Variants in TUT4 observed in about 807,000 individuals in gnomAD.
The protein encoded by TUT4 is terminal uridylyl transferase 4.
In TUT4, 36 loss-of-function variants were observed where a neutral mutation model predicts 192.2. The observed-to-expected ratio is 0.19, with a 90% CI of 0.14 to 0.25. The LOEUF (loss-of-function observed/expected upper bound fraction) is 0.25, where lower values mean the gene tolerates loss of function less well. Ranked by LOEUF, TUT4 falls within the 10% of genes least tolerant of loss-of-function variation. The pLI is 1.00. For synonymous variants in TUT4, 618 were observed against 666.0 expected (o/e 0.93, Z 1.11); for missense variants, 1,493 against 1,957.2 (o/e 0.76, Z 4.47).
intron 4 of TUT4, among the ~76,000 whole-genome samples, chr1:52,506,277 TTTTC>T (rs1675539087): frequency 6.6e-6 from 1 of 152,152 alleles, no homozygotes; most frequent in African/African-American, 2.4e-5. Context: ...TGGCCTAAAG[TTTTC>T]TTTCTTTTTT....
At position 52,436,960 on chromosome 1, in the gene TUT4, T is replaced by C; in HGVS notation, c.3957A>G (p.Leu1319=). 3.1e-6 allele frequency: 5 copies of C among 1,613,958 alleles called. No homozygotes were observed. Among genetic ancestry groups the C allele is most frequent in the Non-Finnish European group, 4.2e-6 (5 of 1,179,970 alleles). Residue 1319 remains leucine, a synonymous_variant, in exon 26 of 30, where the codon CTA becomes CTG. Transcript: ENST00000257177. Reference sequence around the variant, plus strand: ...TCTCTTCTTCACTGTCTTTCTTCTTTAGTCTAAACAGTAAACTGCTGATAC... The same window carrying C: ...TCTCTTCTTCACTGTCTTTCTTCTTCAGTCTAAACAGTAAACTGCTGATAC... ...PKRKSSLLFR[L]KKKDSEEEKE... is the part of the protein sequence containing the mutation.
Position 52,465,051 on chromosome 1 carries a change from G to T in TUT4, c.3069+19C>A. 1 of 1,560,750 alleles carries T rather than the reference G, an allele frequency of 6.4e-7. No homozygotes were observed. The stretch of plus-strand genomic sequence containing the variant: ...TTGGGAGAAAATAAACTTACATAAC[G>T]CTTTCCAAACACTCTTACCTCTGCA... On this transcript the variant is annotated intron_variant, in intron 16 of 29. Transcript: ENST00000257177.
At chr1:52,451,737 A>G (rs1339034142) in intron 20 of TUT4, among the ~76,000 whole-genome samples, 1 of 151,580 alleles carries the variant, frequency 6.6e-6, no homozygotes, top group Non-Finnish European at 1.5e-5. Flanking sequence ...CAGGTACTCC[A>G]GAGGCTGAGG....
intron 20 of TUT4, among the ~76,000 whole-genome samples, chr1:52,448,143 G>T (rs80225309): frequency 0.01 from 1,599 of 152,294 alleles, 21 homozygotes; most frequent in African/African-American, 0.036. Context: ...TTTGTTGAAT[G>T]ACTATATTTA....
chr1:52,431,526 T>C (rs772318052), intron 27 of TUT4, 66 bp from the exon 28 acceptor site: 1 of 1,211,438 alleles, frequency 8.3e-7, no homozygotes, highest in African/African-American at 1.5e-5. Context: ...AAAGTAGAGA[T>C]AAAATACAAA....
chr1:52,466,674 A>AT, intron 15 of TUT4, among the ~76,000 whole-genome samples: 3 of 139,482 alleles, frequency 2.2e-5, no homozygotes, highest in African/African-American at 8.7e-5. Flanking sequence ...ATATATATAT[A>AT]TATATATATT....
At chr1:52,487,338 G>A (rs1670043834) in intron 9 of TUT4, among the ~76,000 whole-genome samples, 1 of 151,842 alleles carries the variant, frequency 6.6e-6, no homozygotes, top group African/African-American at 2.4e-5. Flanking sequence ...GTGGTCCCAG[G>A]TACTCTGGAA....
At chr1:52,531,101 G>GA (rs1255235700) in intron 1 of TUT4, among the ~76,000 whole-genome samples, 4 of 151,816 alleles carry the variant, frequency 2.6e-5, no homozygotes, top group Admixed American at 2.6e-4. Context: ...TCAAATCATG[G>GA]AAAAAAATAT....
At chr1:52,505,895 G>A (rs1388586885) in intron 4 of TUT4, among the ~76,000 whole-genome samples, 1 of 152,032 alleles carries the variant, frequency 6.6e-6, no homozygotes, top group Admixed American at 6.5e-5. Flanking sequence ...GGAGTGCAGT[G>A]GCACGATCTG....
intron 1 of TUT4, among the ~76,000 whole-genome samples, chr1:52,547,850 G>A (rs1406990180): frequency 6.6e-6 from 1 of 152,198 alleles, no homozygotes; most frequent in Admixed American, 6.5e-5. Context: ...AGGCTTGGAG[G>A]AGGAAGGAAT....
intron 1 of TUT4, among the ~76,000 whole-genome samples, chr1:52,537,444 T>C (rs186381095): frequency 4.4e-4 from 67 of 152,306 alleles, no homozygotes; most frequent in African/African-American, 1.5e-3. Context: ...ATAACAGTTA[T>C]AAACATATGC....
chr1:52,483,878 T>C (rs531758524), intron 9 of TUT4, among the ~76,000 whole-genome samples: 26 of 152,084 alleles, frequency 1.7e-4, no homozygotes, highest in Non-Finnish European at 3.7e-4. Context: ...TGGACACATA[T>C]CACCTGCAGC....
At position 52,526,335 on chromosome 1, in the gene TUT4, G is replaced by C; in HGVS notation, c.-55C>G. On this transcript the variant is annotated 5_prime_UTR_variant, in exon 2 of 30. Coordinates refer to ENST00000257177, the MANE Select transcript of TUT4 (RefSeq NM_001009881.3). ...GATATTATAAAATGGCAGATCTCCA[G>C]TAGTTTAAATTGCTTCAAGTCCAGT... The C allele has an allele frequency of 7.2e-7, 1 of 1,397,312 alleles. No homozygotes were observed. Among genetic ancestry groups the C allele is most frequent in the Non-Finnish European group, 9.3e-7 (1 of 1,078,112 alleles). The allele number at this position is 1,397,312 out of a possible 1,614,324, so 86.6% of individuals were successfully genotyped here.
intron 1 of TUT4, among the ~76,000 whole-genome samples, chr1:52,543,948 C>T (rs1430947784): frequency 6.6e-6 from 1 of 152,022 alleles, no homozygotes; most frequent in African/African-American, 2.4e-5. Context: ...CAAAGAAAAA[C>T]AAAAGTGGAG....
At position 52,472,050 on chromosome 1, in the gene TUT4, T is replaced by G; in HGVS notation, c.2780A>C (p.Asp927Ala). The G allele has an allele frequency of 6.2e-7, 1 of 1,613,948 alleles. No homozygotes were observed. The highest frequency in any genetic ancestry group is 8.5e-7 in the Non-Finnish European group (1 of 1,179,908). Residue 927 changes from aspartate to alanine, a missense_variant, in exon 14 of 30, where the codon GAT (aspartate) becomes GCT (alanine). Physicochemically the swap from Asp to Ala is moderately radical, Grantham distance 126. Transcript: ENST00000257177. The part of the protein sequence containing the change: ...ICKKDGHSKN[D>A]CPEDFRKIDL... Reference sequence around the variant, plus strand: ...AATTTTCCTAAAATCCTCTGGGCAATCATTCTTTGAATGGCCATCCTTTTT... The same window carrying G: ...AATTTTCCTAAAATCCTCTGGGCAAGCATTCTTTGAATGGCCATCCTTTTT...
intron 20 of TUT4, among the ~76,000 whole-genome samples, chr1:52,454,628 A>C (rs1376431102): frequency 6.6e-6 from 1 of 152,242 alleles, no homozygotes; most frequent in Non-Finnish European, 1.5e-5. Flanking sequence ...AAGAAAACAC[A>C]AGAGAAAATC....
intron 2 of TUT4, among the ~76,000 whole-genome samples, chr1:52,524,684 TA>T (rs1456054407): frequency 2.0e-5 from 3 of 152,070 alleles, no homozygotes; most frequent in African/African-American, 7.2e-5. Flanking sequence ...CACGTGCCTA[TA>T]GTCCCAGCTA....
chr1:52,496,381 T>C (rs1387464119), intron 5 of TUT4, among the ~76,000 whole-genome samples: 1 of 152,166 alleles, frequency 6.6e-6, no homozygotes, highest in Non-Finnish European at 1.5e-5. Context: ...AATTCCATTT[T>C]TAAATTTCAA....
chr1:52,548,303 A>G (rs1483984655), intron 1 of TUT4, among the ~76,000 whole-genome samples: 1 of 152,130 alleles, frequency 6.6e-6, no homozygotes, highest in Non-Finnish European at 1.5e-5. Context: ...TTAATTTAAT[A>G]ATTATATTAT....
Sources: gnomAD v4.1 joint callset for allele counts (sites outside exome capture counted in the v4.1 genomes callset) on GRCh38, gnomAD v4.1.1 for gene constraint, MANE v1.5 for transcripts, NCBI Gene and HGNC (gene_info 2026-07-23, HGNC 2026-07-21) for gene names.